The following SMURF1 variants were observed in gnomAD, a reference collection of about 807,000 sequenced individuals.
The protein encoded by SMURF1 is SMAD specific E3 ubiquitin protein ligase 1.
In SMURF1, 44 loss-of-function variants were observed where a neutral mutation model predicts 98.0. The observed-to-expected ratio is 0.45, with a 90% CI of 0.35 to 0.58. The LOEUF is 0.58. Ranked by LOEUF, SMURF1 falls within the 20% of genes least tolerant of loss-of-function variation. The pLI is 0.00. For synonymous variants in SMURF1, 396 were observed against 374.9 expected (o/e 1.06, Z -0.65); for missense variants, 687 against 938.4 (o/e 0.73, Z 3.50).
At chr7:99,031,931 A>G (rs1049116420) in intron 17 of SMURF1, among the ~76,000 whole-genome samples, 1 of 152,220 alleles carries the variant, frequency 6.6e-6, no homozygotes, top group Non-Finnish European at 1.5e-5. Context: ...TACGCAAGTG[A>G]TTGTATTTGT....
At chr7:99,104,577 A>T (rs932764876) in intron 1 of SMURF1, among the ~76,000 whole-genome samples, 2 of 152,210 alleles carry the variant, frequency 1.3e-5, no homozygotes, top group South Asian at 4.1e-4. Context: ...TATCCTGCCC[A>T]TACGGTTTTG....
At chr7:99,072,868 A>G (rs1425736960) in intron 1 of SMURF1, among the ~76,000 whole-genome samples, 1 of 152,202 alleles carries the variant, frequency 6.6e-6, no homozygotes, top group Non-Finnish European at 1.5e-5. Context: ...AAGCCATTAT[A>G]ATTATTTGGC....
intron 1 of SMURF1, among the ~76,000 whole-genome samples, chr7:99,076,864 T>C (rs1032136670): frequency 3.3e-5 from 5 of 151,986 alleles, no homozygotes; most frequent in South Asian, 4.1e-4. Flanking sequence ...TGCATGTGTG[T>C]GCGTGTGCCT....
intron 5 of SMURF1, among the ~76,000 whole-genome samples, chr7:99,056,580 T>C (rs765458154): frequency 5.9e-5 from 9 of 152,230 alleles, no homozygotes; most frequent in Non-Finnish European, 1.0e-4. Context: ...GTGGCCACCA[T>C]TCTTATTATC....
chr7:99,122,352 G>A (rs3857805), intron 1 of SMURF1, among the ~76,000 whole-genome samples: 105,455 of 144,178 alleles, frequency 0.73, 38,758 homozygotes, highest in Non-Finnish European at 0.81. Context: ...AGAAGAAGAA[G>A]AAAAAAAAAG....
intron 15 of SMURF1, among the ~76,000 whole-genome samples, chr7:99,036,758 G>A (rs1410180239): frequency 2.6e-5 from 4 of 152,168 alleles, no homozygotes; most frequent in Non-Finnish European, 5.9e-5. Context: ...GTTCTCCCAA[G>A]ACAGGAGAGG....
At chr7:99,085,212 G>T (rs1796653259) in intron 1 of SMURF1, among the ~76,000 whole-genome samples, 1 of 151,956 alleles carries the variant, frequency 6.6e-6, no homozygotes, top group Non-Finnish European at 1.5e-5. Flanking sequence ...AATTAGCTGG[G>T]CATGGTGGTG....
intron 11 of SMURF1, among the ~76,000 whole-genome samples, chr7:99,043,798 G>A (rs1257403039): frequency 2.0e-5 from 3 of 152,156 alleles, no homozygotes; most frequent in Non-Finnish European, 4.4e-5. Flanking sequence ...ATGAGAAAGA[G>A]AAACATCACA....
rs763087899 is a variant in SMURF1, at chr7:99,037,203, G to C, written c.1689-16C>G. On this transcript the variant is annotated splice_polypyrimidine_tract_variant and intron_variant, in intron 14 of 17. Coordinates refer to ENST00000361368, the MANE Select transcript of SMURF1 (RefSeq NM_181349.3). ...TACATACAACCTGGAAGAAAAACTC[G>C]CAAGTTGGATGCAACACCAAGTGGA... The C allele has an allele frequency of 1.9e-6, 3 of 1,613,526 alleles. No individual in the cohort carries two copies. The highest frequency in any genetic ancestry group is 1.7e-5 in the Admixed American group (1 of 59,992).
chr7:99,052,915 T>G (rs1403623967), intron 6 of SMURF1, among the ~76,000 whole-genome samples: 2 of 151,964 alleles, frequency 1.3e-5, no homozygotes, highest in Non-Finnish European at 2.9e-5. Context: ...AATACAAAAA[T>G]TAGCTGGGTG....
At chr7:99,034,943 C>T (rs936689479) in intron 16 of SMURF1, among the ~76,000 whole-genome samples, 1 of 152,220 alleles carries the variant, frequency 6.6e-6, no homozygotes, top group African/African-American at 2.4e-5. Context: ...CTTCACTCAC[C>T]TCACTCCTTC....
intron 12 of SMURF1, 69 bp downstream of exon 12, chr7:99,042,049 A>T (rs750907675): frequency 8.0e-7 from 1 of 1,247,688 alleles, no homozygotes; most frequent in Non-Finnish European, 1.2e-6. Context: ...AGGACTGAGA[A>T]TGAAACTGAA....
chr7:99,061,065 G>A (rs542876241), intron 2 of SMURF1, among the ~76,000 whole-genome samples: 4 of 152,142 alleles, frequency 2.6e-5, no homozygotes, highest in Non-Finnish European at 5.9e-5. Context: ...TATTCACCAG[G>A]CCTTAATTCG....
intron 16 of SMURF1, among the ~76,000 whole-genome samples, chr7:99,033,476 T>A (rs1794998627): frequency 6.6e-6 from 1 of 152,168 alleles, no homozygotes; most frequent in Non-Finnish European, 1.5e-5. Context: ...GGCTAATTGT[T>A]GTATTTTTAG....
chr7:99,033,843 G>A (rs539441303), intron 16 of SMURF1, among the ~76,000 whole-genome samples: 18 of 152,320 alleles, frequency 1.2e-4, no homozygotes, highest in African/African-American at 4.1e-4. Context: ...CACCAGGCTG[G>A]CCAGCAGCCA....
intron 3 of SMURF1, 52 bp downstream of exon 3, chr7:99,060,547 G>T: frequency 8.1e-6 from 10 of 1,237,462 alleles, no homozygotes; most frequent in Non-Finnish European, 1.2e-5. Context: ...GTAAAAGGTA[G>T]ACACCTGCTT....
At chr7:99,072,982 C>T (rs1796361683) in intron 1 of SMURF1, among the ~76,000 whole-genome samples, 2 of 152,144 alleles carry the variant, frequency 1.3e-5, no homozygotes, top group South Asian at 2.1e-4. Flanking sequence ...AGCAACAGCT[C>T]GAGGTGACCT....
rs1349183153 is a variant in SMURF1, at chr7:99,040,407, T to C, written c.1521A>G (p.Pro507=). Residue 507 remains proline (P), a synonymous_variant, in exon 13 of 18, where the codon CCA becomes CCG. Coordinates refer to ENST00000361368, the MANE Select transcript of SMURF1 (RefSeq NM_181349.3). ...TCCACACCAAGCTCTTATGCAGCTCTGGGTCCACAGATTCCAGATCTGAGA... is the reference window on the plus strand; with the variant it reads ...TCCACACCAAGCTCTTATGCAGCTCCGGGTCCACAGATTCCAGATCTGAGA... The part of the protein sequence containing the change: ...IQLSDLESVD[P]ELHKSLVWIL... 3 of 1,571,248 alleles carry C rather than the reference T, an allele frequency of 1.9e-6. No individual in the cohort carries two copies. The highest frequency in any genetic ancestry group is 2.6e-6 in the Non-Finnish European group (3 of 1,160,008).
chr7:99,078,056 T>C (rs147849892), intron 1 of SMURF1, among the ~76,000 whole-genome samples: 4,298 of 152,160 alleles, frequency 0.028, 74 homozygotes, highest in Middle Eastern at 0.044. Flanking sequence ...CCCAGCACTT[T>C]GGGAGGCCGA....
Sources: allele counts gnomAD v4.1 joint callset (sites outside exome capture counted in the v4.1 genomes callset), GRCh38; gene constraint gnomAD v4.1.1; transcripts MANE v1.5; gene names NCBI Gene and HGNC (gene_info 2026-07-23, HGNC 2026-07-21).